TBX18: variants seen among roughly 807,000 people sequenced by gnomAD.
TBX18 encodes the protein T-box transcription factor 18.
Under a neutral mutation model 55.0 loss-of-function variants are expected in TBX18, and 21 were observed. The ratio of observed to expected loss-of-function variants is 0.38; its 90% CI spans 0.27 to 0.55. TBX18 has a LOEUF of 0.55. TBX18 is among the 20% of genes least tolerant of loss of function. The pLI is 0.73. For synonymous variants in TBX18, 342 were observed against 326.1 expected (o/e 1.05, Z -0.53); for missense variants, 840 against 799.6 (o/e 1.05, Z -0.61).
intron 5 of TBX18, among the ~76,000 whole-genome samples, chr6:84,745,978 A>G (rs543410664): frequency 3.9e-5 from 6 of 152,204 alleles, no homozygotes; most frequent in Non-Finnish European, 8.8e-5. Flanking sequence ...AGCTCATGCT[A>G]TTAACCACTA....
At position 84,762,751 on chromosome 6, in the gene TBX18, G is replaced by A. The variant is rs751568354; in HGVS notation, c.293-3C>T. ...CTGGAAGCCGTCCTCACAGCCGCCT[G>A]GACAGCAAAGGACAGAGAAAGGGAA... On this transcript the variant is annotated splice_polypyrimidine_tract_variant and splice_region_variant and intron_variant, in intron 1 of 7. Coordinates refer to ENST00000369663, the MANE Select transcript of TBX18 (RefSeq NM_001080508.3). 1.9e-6 allele frequency: 3 copies of A among 1,587,104 alleles called. No homozygotes were observed. Among genetic ancestry groups the A allele is most frequent in the Admixed American group, 3.7e-5 (2 of 54,528 alleles).
At chr6:84,758,441 C>A (rs568348884) in intron 3 of TBX18, among the ~76,000 whole-genome samples, 116 of 151,012 alleles carry the variant, frequency 7.7e-4, no homozygotes, top group Non-Finnish European at 1.3e-3. Context: ...GAAAAAGAAA[C>A]CTTTTTCTTT....
rs187217007 is a variant in TBX18, at chr6:84,754,817, T to C, written c.771+1881A>G. On this transcript the variant is annotated intron_variant, in intron 4 of 7. Coordinates refer to ENST00000369663, the MANE Select transcript of TBX18 (RefSeq NM_001080508.3). The stretch of plus-strand genomic sequence containing the variant: ...ATGTGGGTAGGCTTCATCCAATCAG[T>C]TGAAGACTGTAGGAGAAAACAGACT... 1.1e-4 allele frequency among the ~76,000 whole-genome samples: 16 copies of C among 152,274 alleles called. No homozygotes were observed. In the East Asian group the frequency reaches 2.3e-3, roughly 22 times the overall value.
At chr6:84,762,396 A>AACC in intron 2 of TBX18, 148 bp downstream of exon 2, 1 of 946,734 alleles carries the variant, frequency 1.1e-6, no homozygotes, top group Non-Finnish European at 1.7e-6. Context: ...CTCCAAAGTG[A>AACC]ACCACGGTCT....
chr6:84,755,813 C>A (rs77883937), intron 4 of TBX18, among the ~76,000 whole-genome samples: 15,516 of 152,156 alleles, frequency 0.1, 824 homozygotes, highest in African/African-American at 0.11. Context: ...AACTTCCAAA[C>A]CATATCCTGT....
At chr6:84,756,933 A>C (rs1358034986) in intron 3 of TBX18, 64 bp from the exon 4 acceptor site, 1 of 1,423,302 alleles carries the variant, frequency 7.0e-7, no homozygotes, top group Non-Finnish European at 9.7e-7. Context: ...ACTCAGTAGA[A>C]TCAGACAAAA....
intron 4 of TBX18, among the ~76,000 whole-genome samples, chr6:84,756,262 TG>T (rs1312153743): frequency 6.6e-6 from 1 of 152,044 alleles, no homozygotes; most frequent in Non-Finnish European, 1.5e-5. Flanking sequence ...AACTTGCAGA[TG>T]GAACACACAA....
At chr6:84,743,217 C>T (rs770799690) in intron 6 of TBX18, among the ~76,000 whole-genome samples, 11 of 152,086 alleles carry the variant, frequency 7.2e-5, no homozygotes, top group Non-Finnish European at 1.6e-4. Context: ...CATTTCAGTC[C>T]TCATGTTGCG....
chr6:84,745,554 A>G, intron 5 of TBX18, among the ~76,000 whole-genome samples: 1 of 152,126 alleles, frequency 6.6e-6, no homozygotes, highest in East Asian at 1.9e-4. Flanking sequence ...TTATCTTAGT[A>G]TGTGGATAAA....
chr6:84,745,134 T>G (rs1767148695), intron 5 of TBX18, among the ~76,000 whole-genome samples: 1 of 152,174 alleles, frequency 6.6e-6, no homozygotes. Flanking sequence ...GATGTTTTAG[T>G]TTTAACAAGA....
chr6:84,761,763 AT>A (rs1429966073), intron 2 of TBX18, among the ~76,000 whole-genome samples: 2 of 152,226 alleles, frequency 1.3e-5, no homozygotes, highest in African/African-American at 4.8e-5. Context: ...AAATCCATTT[AT>A]TTTACTAACC....
chr6:84,750,733 A>C (rs1388783624), intron 4 of TBX18, among the ~76,000 whole-genome samples: 3 of 152,132 alleles, frequency 2.0e-5, no homozygotes, highest in Non-Finnish European at 1.5e-5. Context: ...AGGTCCAACA[A>C]AGGAAACACA....
intron 6 of TBX18, among the ~76,000 whole-genome samples, chr6:84,743,699 T>C (rs1198665629): frequency 6.6e-6 from 1 of 152,214 alleles, no homozygotes; most frequent in African/African-American, 2.4e-5. Flanking sequence ...GAATTCATTA[T>C]TGTGGCTCTA....
intron 5 of TBX18, among the ~76,000 whole-genome samples, chr6:84,745,423 AC>A (rs1767156097): frequency 6.6e-6 from 1 of 152,118 alleles, no homozygotes; most frequent in Admixed American, 6.6e-5. Flanking sequence ...ACTTCTAATT[AC>A]ACCATCTTGG....
intron 4 of TBX18, among the ~76,000 whole-genome samples, chr6:84,753,174 C>G (rs988714806): frequency 6.6e-6 from 1 of 152,156 alleles, no homozygotes. Context: ...AGTGCTGGAA[C>G]ATTTCCACTC....
intron 6 of TBX18, chr6:84,741,716 T>C (rs1767053291): frequency 6.6e-6 from 1 of 152,126 alleles, no homozygotes; most frequent in Admixed American, 6.6e-5. Context: ...AACAGCACAA[T>C]AGAACCAGGG....
In TBX18 at chr6:84,735,037, C is replaced by A. The variant is rs1475800984; in HGVS notation, c.*1648G>T. The A allele has an allele frequency of 6.6e-6, 1 of 152,180 alleles. No individual in the cohort carries two copies. Among genetic ancestry groups the A allele is most frequent in the African/African-American group, 2.4e-5 (1 of 41,434 alleles). The allele number at this position is 152,180 out of a possible 1,614,324, so 9.4% of individuals were successfully genotyped here. On this transcript the variant is annotated 3_prime_UTR_variant, in exon 8 of 8. Transcript: ENST00000369663. ...ACAGTATATCTCCCTAAGTATCTAA[C>A]AAATTGTGTTGTTTCAAAGTGAAAC...
chr6:84,745,528 T>C (rs890273849), intron 5 of TBX18, among the ~76,000 whole-genome samples: 1 of 152,112 alleles, frequency 6.6e-6, no homozygotes, highest in Non-Finnish European at 1.5e-5. Flanking sequence ...TTAAGACATA[T>C]GTGTTCCATA....
rs1485881633 is a variant in TBX18, at chr6:84,735,760, A to G, written c.*925T>C. ...CAAACTATACAAAAACATAAGGTAT[A>G]GTTAACAATAGTATTACTCTTGATT... On this transcript the variant is annotated 3_prime_UTR_variant, in exon 8 of 8. Coordinates refer to ENST00000369663, the MANE Select transcript of TBX18 (RefSeq NM_001080508.3). The G allele has an allele frequency of 6.6e-6, 1 of 152,216 alleles. No homozygotes were observed. Among genetic ancestry groups the G allele is most frequent in the East Asian group, 1.9e-4 (1 of 5,194 alleles). The allele number at this position is 152,216 out of a possible 1,614,324, so 9.4% of individuals were successfully genotyped here.
Sources: allele counts gnomAD v4.1 joint callset (sites outside exome capture counted in the v4.1 genomes callset), GRCh38; gene constraint gnomAD v4.1.1; transcripts MANE v1.5; gene names NCBI Gene and HGNC (gene_info 2026-07-23, HGNC 2026-07-21).